The following CNTNAP4 variants were observed in gnomAD, a reference collection of about 807,000 sequenced individuals.
CNTNAP4 encodes contactin associated protein family member 4.
In CNTNAP4, 98 loss-of-function variants were observed where a neutral mutation model predicts 148.4. That is an observed-to-expected ratio of 0.66 (90% CI 0.56 to 0.78). The LOEUF (loss-of-function observed/expected upper bound fraction) is 0.78. Among genes scored for constraint, CNTNAP4 ranks in the 30% least tolerant of loss-of-function variants. CNTNAP4 has a pLI of 0.00. For synonymous variants in CNTNAP4, 730 were observed against 565.1 expected (o/e 1.29, Z -4.14); for missense variants, 1,935 against 1,565.6 (o/e 1.24, Z -3.98).
intron 4 of CNTNAP4, among the ~76,000 whole-genome samples, chr16:76,447,750 A>G (rs1005897852): frequency 2.6e-5 from 4 of 152,184 alleles, no homozygotes; most frequent in African/African-American, 9.7e-5. Flanking sequence ...AAGCTAATGT[A>G]AGTGTTCTGA....
chr16:76,524,599 C>T (rs1488026747), intron 17 of CNTNAP4, among the ~76,000 whole-genome samples: 1 of 152,128 alleles, frequency 6.6e-6, no homozygotes, highest in Admixed American at 6.6e-5. Flanking sequence ...AAATGAAGCA[C>T]TAGTATGTCA....
intron 15 of CNTNAP4, among the ~76,000 whole-genome samples, chr16:76,501,257 G>T (rs2082630290): frequency 6.6e-6 from 1 of 152,182 alleles, no homozygotes; most frequent in South Asian, 2.1e-4. Flanking sequence ...ATGCATCCAG[G>T]AGAGTGTAAC....
intron 3 of CNTNAP4, among the ~76,000 whole-genome samples, chr16:76,390,061 G>C (rs554027834): frequency 6.6e-6 from 1 of 152,212 alleles, no homozygotes; most frequent in South Asian, 2.1e-4. Flanking sequence ...AGTATACTTC[G>C]CCATGTCTCA....
chr16:76,438,436 A>G (rs1273576273), intron 4 of CNTNAP4, among the ~76,000 whole-genome samples: 1 of 152,160 alleles, frequency 6.6e-6, no homozygotes, highest in African/African-American at 2.4e-5. Context: ...CCACAAGGTA[A>G]TCTGTCACAG....
chr16:76,522,790 T>C (rs1312134906), intron 17 of CNTNAP4, among the ~76,000 whole-genome samples: 3 of 144,860 alleles, frequency 2.1e-5, no homozygotes, highest in African/African-American at 7.6e-5. Flanking sequence ...CTTGACAGAG[T>C]CTCGCTCTGT....
In CNTNAP4 at chr16:76,459,905, A is replaced by T. The variant is rs138837994; in HGVS notation, c.1334-2051A>T. Among the ~76,000 whole-genome samples, 142 of 152,304 alleles carry T rather than the reference A, an allele frequency of 9.3e-4. 1 individual carries two copies. The highest frequency in any genetic ancestry group is 2.3e-3 in the South Asian group (11 of 4,828). On this transcript the variant is annotated intron_variant, in intron 8 of 23. Coordinates refer to ENST00000611870, the MANE Select transcript of CNTNAP4 (RefSeq NM_033401.5). ...GTCTATGCATTCTGATGGATTCATGACACTGGGGCTTCCTTAGGAGGGACT... is the reference window on the plus strand; with the variant it reads ...GTCTATGCATTCTGATGGATTCATGTCACTGGGGCTTCCTTAGGAGGGACT...
chr16:76,322,327 G>A (rs1011621105), intron 2 of CNTNAP4, among the ~76,000 whole-genome samples: 10 of 152,092 alleles, frequency 6.6e-5, no homozygotes, highest in African/African-American at 2.2e-4. Flanking sequence ...GTGCTAATAT[G>A]GCTGAAACTC....
At chr16:76,486,142 C>A (rs1309450037) in intron 12 of CNTNAP4, among the ~76,000 whole-genome samples, 2 of 152,152 alleles carry the variant, frequency 1.3e-5, no homozygotes, top group Admixed American at 1.3e-4. Context: ...TGAGTAGACC[C>A]AAACTACCAT....
intron 2 of CNTNAP4, among the ~76,000 whole-genome samples, chr16:76,329,841 T>C (rs1963347695): frequency 6.6e-6 from 1 of 152,332 alleles, no homozygotes; most frequent in South Asian, 2.1e-4. Context: ...TATAAAAATA[T>C]CTGACTGTAT....
intron 3 of CNTNAP4, among the ~76,000 whole-genome samples, chr16:76,360,645 C>T (rs1378544170): frequency 6.6e-6 from 1 of 152,134 alleles, no homozygotes; most frequent in African/African-American, 2.4e-5. Flanking sequence ...TAGAGAGTGC[C>T]TGCAGCTGCT....
chr16:76,328,049 G>T (rs557775971), intron 2 of CNTNAP4, among the ~76,000 whole-genome samples: 67 of 152,260 alleles, frequency 4.4e-4, no homozygotes, highest in African/African-American at 1.6e-3. Context: ...CCTGATTCCT[G>T]CTCAGAAGAA....
chr16:76,280,764 G>A (rs1207054913), intron 1 of CNTNAP4, among the ~76,000 whole-genome samples: 1 of 152,046 alleles, frequency 6.6e-6, no homozygotes, highest in East Asian at 1.9e-4. Flanking sequence ...TTCTTTGCTT[G>A]CTACTAAGAG....
At chr16:76,516,232 G>A (rs1471476868) in intron 15 of CNTNAP4, among the ~76,000 whole-genome samples, 3 of 151,962 alleles carry the variant, frequency 2.0e-5, no homozygotes, top group Admixed American at 6.6e-5. Flanking sequence ...TGAGACTAAT[G>A]GTTTCCAGAT....
chr16:76,550,998 A>AT (rs1388868453), intron 21 of CNTNAP4, among the ~76,000 whole-genome samples: 3 of 152,184 alleles, frequency 2.0e-5, no homozygotes, highest in African/African-American at 4.8e-5. Flanking sequence ...AATCGCTCTG[A>AT]TTTTCCATTT....
intron 3 of CNTNAP4, among the ~76,000 whole-genome samples, chr16:76,397,720 A>G (rs2078250263): frequency 6.6e-6 from 1 of 151,646 alleles, no homozygotes; most frequent in South Asian, 2.1e-4. Flanking sequence ...GCTACAGTCA[A>G]TTCATAAATC....
At chr16:76,294,740 A>G (rs1324957008) in intron 1 of CNTNAP4, among the ~76,000 whole-genome samples, 2 of 152,130 alleles carry the variant, frequency 1.3e-5, no homozygotes, top group Admixed American at 6.5e-5. Flanking sequence ...TGCACATTTC[A>G]TTCATTTATT....
chr16:76,309,404 T>G (rs1228197626), intron 1 of CNTNAP4, among the ~76,000 whole-genome samples: 1 of 152,046 alleles, frequency 6.6e-6, no homozygotes, highest in Non-Finnish European at 1.5e-5. Context: ...AACTTTACAC[T>G]GGAGTAAAGG....
At chr16:76,359,940 C>G (rs975989990) in intron 3 of CNTNAP4, among the ~76,000 whole-genome samples, 5 of 152,116 alleles carry the variant, frequency 3.3e-5, no homozygotes, top group African/African-American at 9.7e-5. Context: ...ACTTTACAGG[C>G]AAATTCTCCA....
intron 1 of CNTNAP4, chr16:76,309,904 A>C: frequency 1.4e-6 from 1 of 701,772 alleles, no homozygotes. Flanking sequence ...GCTATGTGGA[A>C]CTGTGAGTCC....
Sources: gnomAD v4.1 joint callset for allele counts (sites outside exome capture counted in the v4.1 genomes callset) on GRCh38, gnomAD v4.1.1 for gene constraint, MANE v1.5 for transcripts, NCBI Gene and HGNC (gene_info 2026-07-23, HGNC 2026-07-21) for gene names.